Variants in EVI5 observed in about 807,000 individuals in gnomAD.
EVI5 encodes the protein ecotropic viral integration site 5 protein homolog.
In EVI5, 73 loss-of-function variants were observed where a neutral mutation model predicts 112.0. The ratio of observed to expected loss-of-function variants is 0.65; its 90% CI spans 0.54 to 0.79. The LOEUF (loss-of-function observed/expected upper bound fraction) is 0.79, where lower values mean the gene tolerates loss of function less well. EVI5 is among the 30% of genes least tolerant of loss of function. The probability of loss-of-function intolerance (pLI) is 0.00; values close to 1 mark genes in which losing one functional copy is unlikely to be tolerated. For missense variants in EVI5, 900 were observed against 968.8 expected, an observed-to-expected ratio of 0.93 and a Z score of 0.94; for synonymous variants, 305 against 319.9, an observed-to-expected ratio of 0.95 and a Z score of 0.50.
intron 16 of EVI5, among the ~76,000 whole-genome samples, chr1:92,612,540 T>C (rs1652089587): frequency 6.6e-6 from 1 of 151,836 alleles, no homozygotes; most frequent in African/African-American, 2.4e-5. Context: ...GAAACCCCTG[T>C]CTCCACTAAA....
At chr1:92,654,054 G>C (rs908886377) in intron 13 of EVI5, among the ~76,000 whole-genome samples, 7 of 151,862 alleles carry the variant, frequency 4.6e-5, no homozygotes, top group African/African-American at 1.7e-4. Flanking sequence ...GCTCATCATT[G>C]GGGAATCCAA....
chr1:92,624,069 CT>C lies in EVI5; in HGVS notation c.1827+106del. On this transcript the variant is annotated intron_variant, in intron 16 of 19. Transcript: ENST00000684568. ...GGCTAGAAAACTGCGGTCTATACAG[CT>C]TCATATCTTTACCTTTTATCTCTGT... is the stretch of plus-strand genomic sequence containing the variant. 3.9e-6 allele frequency: 4 copies of C among 1,013,618 alleles called. No individual in the cohort carries two copies. In the South Asian group the frequency reaches 6.3e-5, roughly 16 times the overall value. 62.8% of individuals were successfully genotyped at this position (1,013,618 alleles called of 1,614,324 possible). A position where few individuals can be genotyped will look rare whatever the true frequency, so the allele number is the denominator to read the frequency against.
At chr1:92,563,002 AT>A (rs1668866483) in intron 19 of EVI5, among the ~76,000 whole-genome samples, 1 of 152,224 alleles carries the variant, frequency 6.6e-6, no homozygotes, top group African/African-American at 2.4e-5. Flanking sequence ...AAAACAGAAA[AT>A]AATAAAGGAT....
At chr1:92,561,659 ATCT>A (rs1557790866) in intron 19 of EVI5, among the ~76,000 whole-genome samples, 6 of 119,918 alleles carry the variant, frequency 5.0e-5, no homozygotes, top group South Asian at 2.5e-4. Flanking sequence ...CTATCTATCT[ATCT>A]ATCAGAGTCT....
At chr1:92,598,255 C>T (rs1279413801) in intron 18 of EVI5, among the ~76,000 whole-genome samples, 2 of 151,776 alleles carry the variant, frequency 1.3e-5, no homozygotes, top group African/African-American at 2.4e-5. Flanking sequence ...GAGGGGGAAG[C>T]GTAGGAGGAG....
At chr1:92,536,395 A>T (rs562343208) in intron 19 of EVI5, among the ~76,000 whole-genome samples, 1 of 152,314 alleles carries the variant, frequency 6.6e-6, no homozygotes, top group East Asian at 1.9e-4. Context: ...TCATAGTCTG[A>T]TGAAAGGTTT....
chr1:92,703,737 A>G, intron 3 of EVI5, 118 bp from the exon 4 acceptor site: 1 of 660,144 alleles, frequency 1.5e-6, no homozygotes, highest in Non-Finnish European at 2.5e-6. Flanking sequence ...TGTAACTCAC[A>G]AAGCTAGCTT....
At chr1:92,732,352 C>G in intron 2 of EVI5, 1 of 349,462 alleles carries the variant, frequency 2.9e-6, no homozygotes, top group Non-Finnish European at 5.6e-6. Context: ...TTGTTAAAGA[C>G]ATTGATTCCA....
chr1:92,735,718 TATATA>T (rs1181087002), intron 2 of EVI5, among the ~76,000 whole-genome samples: 3 of 141,652 alleles, frequency 2.1e-5, no homozygotes, highest in Admixed American at 7.3e-5. Flanking sequence ...AATATTATAT[TATATA>T]TAATATAATA....
chr1:92,521,203 C>T (rs1014731592), intron 19 of EVI5, among the ~76,000 whole-genome samples: 1 of 152,044 alleles, frequency 6.6e-6, no homozygotes, highest in Non-Finnish European at 1.5e-5. Context: ...CTCATGCAGT[C>T]CACCCACCTT....
intron 14 of EVI5, among the ~76,000 whole-genome samples, chr1:92,635,172 C>A (rs1231054268): frequency 6.6e-6 from 1 of 152,202 alleles, no homozygotes. Flanking sequence ...AGATCTCAAG[C>A]TGCGTGCTGG....
At chr1:92,652,567 T>C (rs1247405692) in intron 13 of EVI5, among the ~76,000 whole-genome samples, 1 of 152,170 alleles carries the variant, frequency 6.6e-6, no homozygotes, top group Admixed American at 6.5e-5. Flanking sequence ...AAAATCAGTA[T>C]GTTGAAGAGG....
At chr1:92,727,757 T>C (rs1001560288) in intron 2 of EVI5, among the ~76,000 whole-genome samples, 5 of 152,124 alleles carry the variant, frequency 3.3e-5, no homozygotes, top group African/African-American at 1.2e-4. Flanking sequence ...GGCTCACACA[T>C]GTAATCCAAA....
intron 13 of EVI5, among the ~76,000 whole-genome samples, chr1:92,638,730 A>C (rs1316811374): frequency 6.6e-6 from 1 of 152,164 alleles, no homozygotes; most frequent in Non-Finnish European, 1.5e-5. Context: ...AAGGAAACTA[A>C]TAGGGTACAC....
intron 2 of EVI5, among the ~76,000 whole-genome samples, chr1:92,710,460 A>T (rs1558124349): frequency 6.6e-6 from 1 of 152,182 alleles, no homozygotes; most frequent in African/African-American, 2.4e-5. Flanking sequence ...AAAGAAAAAG[A>T]ATACTGTCCA....
chr1:92,694,216 G>A lies in EVI5; in HGVS notation c.999+83C>T. On this transcript the variant is annotated intron_variant, in intron 8 of 19. Coordinates refer to ENST00000684568, the MANE Select transcript of EVI5 (RefSeq NM_001350197.2). ...GGAGGCAGAGGTTGCAGTGAGCCAA[G>A]ATCACGCCACTGCACTCCAGCCTGG... 7.7e-6 allele frequency: 6 copies of A among 778,212 alleles called. No individual in the cohort carries two copies. The South Asian group carries it at 1.0e-4, about 13-fold the overall frequency. The allele number at this position is 778,212 out of a possible 1,614,324, so 48.2% of individuals were successfully genotyped here. A position where few individuals can be genotyped will look rare whatever the true frequency, so the allele number is the denominator to read the frequency against.
intron 14 of EVI5, among the ~76,000 whole-genome samples, chr1:92,631,675 C>T (rs1657141222): frequency 2.6e-5 from 4 of 152,108 alleles, no homozygotes; most frequent in South Asian, 4.1e-4. Context: ...CCTTTATTTC[C>T]TTCTCCTGCC....
intron 6 of EVI5, 102 bp downstream of exon 6, chr1:92,697,758 G>A: frequency 1.1e-6 from 1 of 925,680 alleles, no homozygotes. Context: ...ACTTCTTCAA[G>A]TGCTTTAATG....
intron 18 of EVI5, among the ~76,000 whole-genome samples, chr1:92,597,236 G>T (rs1303056563): frequency 2.0e-5 from 3 of 151,696 alleles, no homozygotes; most frequent in African/African-American, 7.3e-5. Context: ...TAAATTTCTT[G>T]AAGCTCTTTA....
Sources: allele counts gnomAD v4.1 joint callset (sites outside exome capture counted in the v4.1 genomes callset), GRCh38; gene constraint gnomAD v4.1.1; transcripts MANE v1.5; gene names NCBI Gene and HGNC (gene_info 2026-07-23, HGNC 2026-07-21).